The following LOC728743 variants were observed in gnomAD, a reference collection of about 807,000 sequenced individuals.
At chr7:150,401,664 A>G in the LOC728743 span, among the ~76,000 whole-genome samples, 1 of 152,180 alleles carries the variant, frequency 6.6e-6, no homozygotes, top group Non-Finnish European at 1.5e-5. Context: ...TTTTGGGTTG[A>G]CTGGATTTGG....
chr7:150,410,074 G>T, the LOC728743 span: 1 of 398,344 alleles, frequency 2.5e-6, no homozygotes, highest in Non-Finnish European at 4.4e-6. Flanking sequence ...CCAGCTGATC[G>T]CTCCCTCCTA....
chr7:150,401,932 C>T, the LOC728743 span, among the ~76,000 whole-genome samples: 1 of 152,168 alleles, frequency 6.6e-6, no homozygotes, highest in African/African-American at 2.4e-5. Flanking sequence ...TGTTTCTTTT[C>T]CCTTCACCTT....
chr7:150,405,241 G>A, the LOC728743 span: 1 of 152,336 alleles, frequency 6.6e-6, no homozygotes, highest in East Asian at 1.9e-4. Flanking sequence ...CAGCCTCACG[G>A]GGCTGCTGTG....
chr7:150,405,372 G>A, the LOC728743 span: 1 of 152,224 alleles, frequency 6.6e-6, no homozygotes, highest in African/African-American at 2.4e-5. Flanking sequence ...CGTATTTACC[G>A]AGGCCAGAGC....
At chr7:150,403,842 G>A in the LOC728743 span, among the ~76,000 whole-genome samples, 2 of 152,364 alleles carry the variant, frequency 1.3e-5, no homozygotes, top group Admixed American at 6.5e-5. This position sits in a 1 kb window ranked among gnomAD's most constrained non-coding sequence, Gnocchi z 5.1. Context: ...CAAGCCAGAC[G>A]GGTGGGGCCT....
At chr7:150,408,061 C>T in the LOC728743 span, 1 of 385,010 alleles carries the variant, frequency 2.6e-6, no homozygotes, top group Non-Finnish European at 4.6e-6. Context: ...CGCGCATGCC[C>T]GCGCCGCACC....
At chr7:150,405,525 T>TG in the LOC728743 span, 5 of 53,126 alleles carry the variant, frequency 9.4e-5, no homozygotes, top group Non-Finnish European at 1.8e-4. Flanking sequence ...GCTGCGGCCG[T>TG]GGGGGGTGGG....
At chr7:150,409,878 C>T in the LOC728743 span, among the ~76,000 whole-genome samples, 3 of 152,148 alleles carry the variant, frequency 2.0e-5, no homozygotes, top group Non-Finnish European at 4.4e-5. Flanking sequence ...CCTACCACTC[C>T]CAGGTGCTGT....
chr7:150,401,546 TGTG>T, the LOC728743 span, among the ~76,000 whole-genome samples: 2 of 152,206 alleles, frequency 1.3e-5, no homozygotes, highest in East Asian at 3.8e-4. Flanking sequence ...CCAAAAACAG[TGTG>T]TTCTCACATA....
At chr7:150,406,760 G>C in the LOC728743 span, among the ~76,000 whole-genome samples, 6 of 152,310 alleles carry the variant, frequency 3.9e-5, no homozygotes, top group African/African-American at 1.4e-4. Flanking sequence ...TGGGCACTGA[G>C]GGTGCTGCTC....
chr7:150,401,747 C>G, the LOC728743 span, among the ~76,000 whole-genome samples: 1 of 152,142 alleles, frequency 6.6e-6, no homozygotes, highest in Non-Finnish European at 1.5e-5. Flanking sequence ...TCTGTGCTGT[C>G]CAGACTATAG....
the LOC728743 span, chr7:150,410,024 A>G: frequency 1.0e-5 from 4 of 397,412 alleles, no homozygotes; most frequent in Non-Finnish European, 1.8e-5. Flanking sequence ...GTAGGGGACA[A>G]AGAGGATTCA....
the LOC728743 span, among the ~76,000 whole-genome samples, chr7:150,403,379 T>C: frequency 6.6e-6 from 1 of 152,212 alleles, no homozygotes; most frequent in East Asian, 1.9e-4. This position sits in a 1 kb window ranked among gnomAD's most constrained non-coding sequence, Gnocchi z 5.1. Flanking sequence ...CGTGTTCTTT[T>C]CCTTTCTATT....
chr7:150,410,327 G>A, the LOC728743 span: 1 of 396,266 alleles, frequency 2.5e-6, no homozygotes. Flanking sequence ...CAGTGGAGGT[G>A]ACTGGTTGGA....
At chr7:150,402,811 G>C in the LOC728743 span, among the ~76,000 whole-genome samples, 12 of 152,296 alleles carry the variant, frequency 7.9e-5, no homozygotes, top group East Asian at 2.3e-3. Context: ...GAGCTGCCCC[G>C]AGGAGGCCCA....
chr7:150,402,821 AT>A, the LOC728743 span, among the ~76,000 whole-genome samples: 3 of 152,168 alleles, frequency 2.0e-5, no homozygotes, highest in Admixed American at 2.0e-4. Context: ...GAGGAGGCCC[AT>A]GGGGTGATCT....
chr7:150,402,979 G>A, the LOC728743 span, among the ~76,000 whole-genome samples: 1 of 152,172 alleles, frequency 6.6e-6, no homozygotes, highest in Non-Finnish European at 1.5e-5. Context: ...TCTCCAGGAC[G>A]CCTTGGTTGT....
chr7:150,402,560 C>A, the LOC728743 span, among the ~76,000 whole-genome samples: 8 of 152,374 alleles, frequency 5.3e-5, no homozygotes, highest in Middle Eastern at 6.8e-3. Flanking sequence ...GACAAAGAGA[C>A]GCTAAAATAG....
the LOC728743 span, chr7:150,407,989 C>T: frequency 7.5e-6 from 3 of 400,074 alleles, no homozygotes; most frequent in South Asian, 1.2e-4. Context: ...CGCACCAGTG[C>T]GCGCAGTGCG....
Sources: gnomAD v4.1 joint callset for allele counts (sites outside exome capture counted in the v4.1 genomes callset) on GRCh38, gnomAD v4.1.1 for gene constraint, Gnocchi (gnomAD v3.1) non-coding constraint, MANE v1.5 for transcripts.